ABHD17C: variants seen among roughly 807,000 people sequenced by gnomAD.
The protein encoded by ABHD17C is abhydrolase domain containing 17C, depalmitoylase.
A neutral mutation model predicts 27.9 loss-of-function variants in ABHD17C; 11 were observed. The observed-to-expected ratio is 0.39, with a 90% CI of 0.25 to 0.65. The LOEUF (loss-of-function observed/expected upper bound fraction) is 0.65, where lower values mean the gene tolerates loss of function less well. Among genes scored for constraint, ABHD17C ranks in the 30% least tolerant of loss-of-function variants. ABHD17C has a pLI of 0.45. For synonymous variants in ABHD17C, 233 were observed against 209.1 expected, an observed-to-expected ratio of 1.11 and a Z score of -0.98; for missense variants, 280 against 470.2, an observed-to-expected ratio of 0.60 and a Z score of 3.74.
chr15:80,731,452 C>T (rs1290958728), intron 1 of ABHD17C, among the ~76,000 whole-genome samples: 1 of 151,970 alleles, frequency 6.6e-6, no homozygotes, highest in Non-Finnish European at 1.5e-5. Flanking sequence ...AATGGAAGGT[C>T]TTCGTGACAG....
rs758642384 is a variant in ABHD17C at position 80,695,805 on chromosome 15, C to T, written c.376C>T (p.Arg126Cys). The change falls in exon 1 of 3, where the codon CGC (arginine) becomes TGC (cysteine). Residue 126 changes from arginine (R) to cysteine (C), a missense_variant. Arg to Cys is a radical substitution (Grantham distance 180). This residue lies in a region of ABHD17C where 206 missense variants were observed against 394.7 expected (regional missense o/e 0.52). Coordinates refer to ENST00000258884, the MANE Select transcript of ABHD17C (RefSeq NM_021214.2). This position sits in a 1 kb window ranked among gnomAD's most constrained non-coding sequence, Gnocchi z 4.3. ...CAACCGGCTCGGCTGCATGTTCGTG[C>T]GCTGCGCGCCCTCCAGCCGCTACAC... is the stretch of plus-strand genomic sequence containing the variant. ...RDNRLGCMFV[R>C]CAPSSRYTLL... is the part of the protein sequence containing the mutation. The T allele has an allele frequency of 1.3e-6, 2 of 1,554,386 alleles. No homozygotes were observed. The highest frequency in any genetic ancestry group is 1.8e-4 in the Middle Eastern group (1 of 5,428).
At chr15:80,728,377 C>G (rs949176294) in intron 1 of ABHD17C, among the ~76,000 whole-genome samples, 2 of 152,186 alleles carry the variant, frequency 1.3e-5, no homozygotes, top group Admixed American at 1.3e-4. Context: ...AGACCTCAGT[C>G]CTCCCTGGGA....
chr15:80,716,572 G>A (rs1030299805), intron 1 of ABHD17C, among the ~76,000 whole-genome samples: 1 of 152,056 alleles, frequency 6.6e-6, no homozygotes, highest in Admixed American at 6.6e-5. Context: ...AGTGTAAGAT[G>A]CCATTAATAA....
At position 80,719,705 on chromosome 15, in the gene ABHD17C, A is replaced by G. The variant is rs181897586; in HGVS notation, c.590+23686A>G. On this transcript the variant is annotated intron_variant, in intron 1 of 2. Transcript: ENST00000258884. ...TGATTTAAGGCAAATGTGTACTCCA[A>G]TCATGGCTTAAAAACTGCTATATAT... is the stretch of plus-strand genomic sequence containing the variant. 9.9e-5 allele frequency among the ~76,000 whole-genome samples: 15 copies of G among 152,282 alleles called. No homozygotes were observed. The East Asian group carries it at 2.1e-3, about 22-fold the overall frequency.
At chr15:80,705,662 T>G (rs1201910403) in intron 1 of ABHD17C, among the ~76,000 whole-genome samples, 2 of 152,210 alleles carry the variant, frequency 1.3e-5, no homozygotes, top group African/African-American at 4.8e-5. Flanking sequence ...GTTGCTTCTT[T>G]TCCCACTGTG....
intron 1 of ABHD17C, among the ~76,000 whole-genome samples, chr15:80,747,983 C>G (rs912078650): frequency 6.6e-6 from 1 of 152,168 alleles, no homozygotes; most frequent in Non-Finnish European, 1.5e-5. Context: ...CTAGCACATC[C>G]CCTGCCGGCC....
intron 1 of ABHD17C, 40 bp from the exon 2 acceptor site, chr15:80,749,473 C>T: frequency 1.3e-6 from 2 of 1,597,034 alleles, no homozygotes; most frequent in Non-Finnish European, 1.7e-6. Flanking sequence ...TCTCTTTCTT[C>T]ATACCTTAGC....
chr15:80,696,211 A>G (rs12440149), intron 1 of ABHD17C, among the ~76,000 whole-genome samples, 192 bp downstream of exon 1: 1 of 151,900 alleles, frequency 6.6e-6, no homozygotes, highest in African/African-American at 2.4e-5. Flanking sequence ...CTCTCCAAAA[A>G]CCGCGCCAGC....
intron 1 of ABHD17C, among the ~76,000 whole-genome samples, chr15:80,738,791 G>A (rs935286148): frequency 6.6e-6 from 1 of 152,154 alleles, no homozygotes; most frequent in African/African-American, 2.4e-5. Context: ...AGAAAGGAAG[G>A]GTGGGGAGGC....
intron 1 of ABHD17C, among the ~76,000 whole-genome samples, chr15:80,726,367 G>A (rs1392462200): frequency 6.6e-6 from 1 of 152,170 alleles, no homozygotes; most frequent in Non-Finnish European, 1.5e-5. Flanking sequence ...ATTTTGGGGG[G>A]CCTGCTCCCA....
At chr15:80,751,246 G>A (rs536802985) in intron 2 of ABHD17C, among the ~76,000 whole-genome samples, 1 of 152,158 alleles carries the variant, frequency 6.6e-6, no homozygotes, top group South Asian at 2.1e-4. Context: ...TGTAATCCCA[G>A]CTACTGGGGA....
intron 1 of ABHD17C, among the ~76,000 whole-genome samples, chr15:80,730,930 T>C (rs193160074): frequency 1.1e-3 from 162 of 152,364 alleles, no homozygotes; most frequent in African/African-American, 3.7e-3. Context: ...GCTTCCTGTT[T>C]ATGATAAATC....
intron 1 of ABHD17C, among the ~76,000 whole-genome samples, chr15:80,735,538 C>A (rs891717273): frequency 6.6e-5 from 10 of 152,160 alleles, no homozygotes; most frequent in Non-Finnish European, 1.5e-4. Context: ...AGCCTTTCCA[C>A]ACTCTGTTTC....
chr15:80,746,317 A>G (rs1033260005), intron 1 of ABHD17C, among the ~76,000 whole-genome samples: 6 of 151,200 alleles, frequency 4.0e-5, no homozygotes, highest in Admixed American at 6.6e-5. Context: ...AGTTATTTGT[A>G]TATGCTAGAT....
intron 1 of ABHD17C, among the ~76,000 whole-genome samples, chr15:80,726,393 T>C (rs1894975745): frequency 6.6e-6 from 1 of 152,198 alleles, no homozygotes; most frequent in Non-Finnish European, 1.5e-5. Context: ...GCTGTTTTGA[T>C]TTCTTCTTGA....
At chr15:80,705,187 G>A (rs147464489) in intron 1 of ABHD17C, 55 of 152,320 alleles carry the variant, frequency 3.6e-4, no homozygotes, top group African/African-American at 1.3e-3. Flanking sequence ...GGTTCCTGGC[G>A]TGAAATGGTT....
intron 1 of ABHD17C, among the ~76,000 whole-genome samples, chr15:80,725,008 T>G (rs1035053710): frequency 1.3e-5 from 2 of 152,200 alleles, no homozygotes; most frequent in South Asian, 2.1e-4. Flanking sequence ...TGTTGTTATG[T>G]TTTTATACCC....
intron 1 of ABHD17C, among the ~76,000 whole-genome samples, chr15:80,747,550 C>G (rs928598189): frequency 6.6e-6 from 1 of 152,168 alleles, no homozygotes; most frequent in Admixed American, 6.5e-5. Flanking sequence ...TCCGTGGTCT[C>G]TGATGTGGAT....
chr15:80,721,921 C>T (rs1435175518), intron 1 of ABHD17C, among the ~76,000 whole-genome samples: 2 of 152,120 alleles, frequency 1.3e-5, no homozygotes, highest in African/African-American at 4.8e-5. Flanking sequence ...AGTCTTAGCT[C>T]ACCCAGGAGG....
Sources: gnomAD v4.1 joint callset for allele counts (sites outside exome capture counted in the v4.1 genomes callset) on GRCh38, gnomAD v4.1.1 for gene constraint, gnomAD v4.1.1 regional missense constraint, Gnocchi (gnomAD v3.1) non-coding constraint, MANE v1.5 for transcripts, NCBI Gene and HGNC (gene_info 2026-07-23, HGNC 2026-07-21) for gene names.